Variants in PRORP observed in about 807,000 individuals in gnomAD.
The protein encoded by PRORP is mitochondrial ribonuclease P catalytic subunit.
In PRORP, 51 loss-of-function variants were observed where a neutral mutation model predicts 59.4. That is an observed-to-expected ratio of 0.86 (90% CI 0.69 to 1.08). PRORP has a LOEUF of 1.08. PRORP is among the 50% of genes least tolerant of loss of function. The pLI, the probability that PRORP is intolerant of heterozygous loss-of-function variation, is 0.00. For missense variants in PRORP, 646 were observed against 690.3 expected (o/e 0.94, Z 0.72); for synonymous variants, 231 against 245.6 (o/e 0.94, Z 0.55).
In PRORP at chr14:35,127,524, G is replaced by A; in HGVS notation, c.1080G>A (p.Leu360=). ...GCGKTIESIQ[L]SPEEYECLKG... is the part of the protein sequence containing the mutation. ...GAAAAACCATAGAGTCTATTCAGCT[G>A]AGTCCAGAAGAATATGAATGTCTTA... The change falls in exon 4 of 8, where the codon CTG becomes CTA. Residue 360 remains leucine, a synonymous_variant. Coordinates refer to ENST00000534898, the MANE Select transcript of PRORP (RefSeq NM_014672.4). The A allele has an allele frequency of 1.2e-6, 2 of 1,613,332 alleles. No individual in the cohort carries two copies. Among genetic ancestry groups the A allele is most frequent in the Non-Finnish European group, 1.7e-6 (2 of 1,179,386 alleles).
At chr14:35,259,630 C>T (rs938408888) in intron 5 of PRORP, among the ~76,000 whole-genome samples, 2 of 152,024 alleles carry the variant, frequency 1.3e-5, no homozygotes, top group African/African-American at 4.8e-5. Flanking sequence ...GTGGTTCACA[C>T]CTGTAATTCC....
rs2051278714 is a variant in PRORP, at chr14:35,275,193, A to G, written c.*1627A>G. The G allele has an allele frequency of 6.6e-6, 1 of 152,212 alleles. No individual in the cohort carries two copies. Among genetic ancestry groups the G allele is most frequent in the African/African-American group, 2.4e-5 (1 of 41,454 alleles). 9.4% of individuals were successfully genotyped at this position (152,212 alleles called of 1,614,324 possible). On this transcript the variant is annotated 3_prime_UTR_variant, in exon 8 of 8. Transcript: ENST00000534898. ...AAATTCCTCACACTAAACATTTTAA[A>G]TTGATATATTTACATTTATGACAAT...
At chr14:35,195,888 T>A (rs1441808163) in intron 5 of PRORP, among the ~76,000 whole-genome samples, 3 of 152,202 alleles carry the variant, frequency 2.0e-5, no homozygotes, top group Non-Finnish European at 2.9e-5. Context: ...GTTACTTTAG[T>A]ATTATAATAG....
chr14:35,231,190 A>G lies in PRORP; in HGVS notation c.1276-35537A>G, dbSNP rs778034676. On this transcript the variant is annotated intron_variant, in intron 5 of 7. Transcript: ENST00000534898. ...GTTTACTACCTTACATCACATTACC[A>G]TGTCTGAGGAGAATATATACCAGTT... 2.6e-5 allele frequency among the ~76,000 whole-genome samples: 4 copies of G among 152,182 alleles called. 1 individual carries two copies. The highest frequency in any genetic ancestry group is 9.6e-5 in the African/African-American group (4 of 41,452).
chr14:35,198,344 G>C (rs1362969766), intron 5 of PRORP, among the ~76,000 whole-genome samples: 4 of 152,178 alleles, frequency 2.6e-5, no homozygotes, highest in African/African-American at 7.2e-5. Flanking sequence ...TTCTTGTTAC[G>C]AACCGGTGAA....
intron 5 of PRORP, among the ~76,000 whole-genome samples, chr14:35,258,164 G>A (rs1308817510): frequency 6.6e-6 from 1 of 151,850 alleles, no homozygotes; most frequent in Non-Finnish European, 1.5e-5. Context: ...ATGTTTGTTT[G>A]TTCATTTGTT....
chr14:35,251,963 A>G (rs562611570), intron 5 of PRORP, among the ~76,000 whole-genome samples: 2 of 152,088 alleles, frequency 1.3e-5, no homozygotes, highest in African/African-American at 4.8e-5. Flanking sequence ...AGGAATTCCT[A>G]CCTTGGACCA....
intron 5 of PRORP, among the ~76,000 whole-genome samples, chr14:35,209,837 C>G (rs2049392801): frequency 6.6e-6 from 1 of 152,086 alleles, no homozygotes; most frequent in Admixed American, 6.6e-5. Context: ...TGCCTGGCCT[C>G]TCTTGATTTC....
chr14:35,251,919 C>T (rs945856744), intron 5 of PRORP, among the ~76,000 whole-genome samples: 1 of 151,946 alleles, frequency 6.6e-6, no homozygotes, highest in Non-Finnish European at 1.5e-5. Flanking sequence ...GTGGAGGGGT[C>T]GGGGAGGCAC....
intron 5 of PRORP, chr14:35,262,382 C>T: frequency 3.5e-6 from 1 of 286,630 alleles, no homozygotes; most frequent in Non-Finnish European, 6.8e-6. Context: ...TTATTACTAG[C>T]CCAACTTTTA....
chr14:35,269,645 T>C (rs2051136133), intron 6 of PRORP, among the ~76,000 whole-genome samples: 1 of 152,204 alleles, frequency 6.6e-6, no homozygotes, highest in Non-Finnish European at 1.5e-5. Context: ...CTTTTTCTTT[T>C]TTTTCTGGAG....
chr14:35,180,526 C>CTGTGTGTGTGTGTGTG (rs3058430), intron 4 of PRORP, 144 bp from the exon 5 acceptor site: 614 of 537,922 alleles, frequency 1.1e-3, no homozygotes, highest in Non-Finnish European at 1.6e-3. Context: ...TGTAGAGTAT[C>CTGTGTGTGTGTGTGTG]TGTGTGTGTG....
intron 5 of PRORP, among the ~76,000 whole-genome samples, chr14:35,227,304 C>T (rs1374869468): frequency 6.6e-6 from 1 of 151,532 alleles, no homozygotes; most frequent in East Asian, 2.0e-4. Flanking sequence ...TTTAGTCGGG[C>T]GTGGTGGCAG....
chr14:35,154,538 T>G (rs1348390870), intron 4 of PRORP, among the ~76,000 whole-genome samples: 3 of 152,132 alleles, frequency 2.0e-5, no homozygotes, highest in Non-Finnish European at 4.4e-5. Flanking sequence ...CAAACCTGAA[T>G]CTAGATGCAT....
intron 5 of PRORP, among the ~76,000 whole-genome samples, chr14:35,193,690 T>C (rs2139096267): frequency 6.6e-6 from 1 of 152,022 alleles, no homozygotes; most frequent in South Asian, 2.1e-4. Context: ...ATCCCCATGC[T>C]TGAAATTATG....
Position 35,123,672 on chromosome 14 carries a change from T to G in PRORP, c.427T>G (p.Trp143Gly). Residue 143 changes from tryptophan (W) to glycine (G), a missense_variant, in exon 2 of 8, where the codon TGG becomes GGG. By Grantham distance (184) the Trp-to-Gly change is radical. Coordinates refer to ENST00000534898, the MANE Select transcript of PRORP (RefSeq NM_014672.4). ...ENTGKTSFES[W>G]IISQMAGCHS... ...CACCGGAAAGACCAGTTTCGAAAGT[T>G]GGATCATTTCACAGATGGCTGGCTG... The G allele has an allele frequency of 6.2e-7, 1 of 1,614,202 alleles. No homozygotes were observed. The highest frequency in any genetic ancestry group is 8.5e-7 in the Non-Finnish European group (1 of 1,180,058).
chr14:35,228,497 C>T (rs1458172502), intron 5 of PRORP, among the ~76,000 whole-genome samples: 4 of 152,186 alleles, frequency 2.6e-5, no homozygotes, highest in Admixed American at 2.6e-4. Flanking sequence ...CCGTTGTTGC[C>T]ATCTTTATAT....
chr14:35,172,331 A>C (rs1186952400), intron 4 of PRORP, among the ~76,000 whole-genome samples: 3 of 151,382 alleles, frequency 2.0e-5, no homozygotes, highest in African/African-American at 7.3e-5. Context: ...TTACAGGCAG[A>C]ATTCTTGATT....
At position 35,137,075 on chromosome 14, in the gene PRORP, T is replaced by C. The variant is rs185691925; in HGVS notation, c.1167+9464T>C. Reference sequence around the variant, plus strand: ...ATGACCTTGGGAAGAACAGTTTCAGTAGTTTAATGGGGGCCAAATTCAGCC... The same window carrying C: ...ATGACCTTGGGAAGAACAGTTTCAGCAGTTTAATGGGGGCCAAATTCAGCC... On this transcript the variant is annotated intron_variant, in intron 4 of 7. Transcript: ENST00000534898. Among the ~76,000 whole-genome samples, 53 of 145,892 alleles carry C rather than the reference T, an allele frequency of 3.6e-4. 3 individuals are homozygous for C. Among genetic ancestry groups the C allele is most frequent in the African/African-American group, 1.1e-3 (46 of 41,144 alleles).
Sources: gnomAD v4.1 joint callset for allele counts (sites outside exome capture counted in the v4.1 genomes callset) on GRCh38, gnomAD v4.1.1 for gene constraint, MANE v1.5 for transcripts, NCBI Gene and HGNC (gene_info 2026-07-23, HGNC 2026-07-21) for gene names.